The following ARHGEF10L variants were observed in gnomAD, a reference collection of about 807,000 sequenced individuals.
ARHGEF10L encodes Rho guanine nucleotide exchange factor 10 like.
In ARHGEF10L, 69 loss-of-function variants were observed where a neutral mutation model predicts 141.2. That is an observed-to-expected ratio of 0.49 (90% CI 0.40 to 0.60). The LOEUF (loss-of-function observed/expected upper bound fraction) is 0.60. Ranked by LOEUF, ARHGEF10L falls within the 20% of genes least tolerant of loss-of-function variation. ARHGEF10L has a pLI of 0.00. For missense variants in ARHGEF10L, 1,482 were observed against 1,734.3 expected (o/e 0.85, Z 2.58); for synonymous variants, 711 against 718.5 (o/e 0.99, Z 0.17).
intron 4 of ARHGEF10L, among the ~76,000 whole-genome samples, chr1:17,589,941 A>C (rs1441086945): frequency 3.3e-5 from 5 of 151,928 alleles, no homozygotes; most frequent in Admixed American, 3.3e-4. Flanking sequence ...TCAGCGAGTG[A>C]ATGGAAATTC....
chr1:17,560,442 G>A (rs753860819), intron 1 of ARHGEF10L, among the ~76,000 whole-genome samples: 4 of 152,096 alleles, frequency 2.6e-5, no homozygotes, highest in Non-Finnish European at 5.9e-5. Context: ...GGCCTCAAAT[G>A]CCCCTTTTGT....
chr1:17,623,610 T>C lies in ARHGEF10L; in HGVS notation c.1200+435T>C, dbSNP rs2060224458. 6.6e-6 allele frequency among the ~76,000 whole-genome samples: 1 copy of C among 152,122 alleles called. No homozygotes were observed. Among genetic ancestry groups the C allele is most frequent in the Non-Finnish European group, 1.5e-5 (1 of 68,014 alleles). ...GCACTGGCTCACGATCCGGGGGACCTGGTTCTGGTCCCAGCTCAGTTCTGC... is the reference window on the plus strand; with the variant it reads ...GCACTGGCTCACGATCCGGGGGACCCGGTTCTGGTCCCAGCTCAGTTCTGC... On this transcript the variant is annotated intron_variant, in intron 12 of 28. Coordinates refer to ENST00000361221, the MANE Select transcript of ARHGEF10L (RefSeq NM_018125.4). The surrounding 1 kb of genome is among the most constrained non-coding windows in gnomAD (Gnocchi z 4.7).
At chr1:17,521,587 G>A in the ARHGEF10L span, among the ~76,000 whole-genome samples, 12 of 152,356 alleles carry the variant, frequency 7.9e-5, no homozygotes, top group African/African-American at 2.6e-4. Flanking sequence ...CACAGTAGGT[G>A]TGTAAATGCC....
chr1:17,522,525 A>C, the ARHGEF10L span, among the ~76,000 whole-genome samples: 14 of 151,074 alleles, frequency 9.3e-5, no homozygotes, highest in African/African-American at 3.4e-4. Flanking sequence ...TCCACACCAA[A>C]GCTGGCTCCT....
chr1:17,665,558 G>A (rs918862546), intron 26 of ARHGEF10L, among the ~76,000 whole-genome samples: 1 of 152,136 alleles, frequency 6.6e-6, no homozygotes, highest in South Asian at 2.1e-4. Flanking sequence ...AGGTGTTGTC[G>A]TTGGAGCCGG....
intron 7 of ARHGEF10L, among the ~76,000 whole-genome samples, chr1:17,611,931 ATATC>A (rs2059570429): frequency 6.6e-6 from 1 of 151,712 alleles, no homozygotes; most frequent in Non-Finnish European, 1.5e-5. Flanking sequence ...GTGCATTTGA[ATATC>A]TATCTGTTCT....
At chr1:17,538,174 C>T (rs1347596212), upstream of ARHGEF10L, among the ~76,000 whole-genome samples, 1 of 152,202 alleles carries the variant, frequency 6.6e-6, no homozygotes, top group Non-Finnish European at 1.5e-5. Flanking sequence ...GCTATGACGG[C>T]AGGACTCAAA....
At chr1:17,543,475 C>T (rs571560719) in intron 1 of ARHGEF10L, among the ~76,000 whole-genome samples, 5 of 151,652 alleles carry the variant, frequency 3.3e-5, no homozygotes, top group South Asian at 2.1e-4. Context: ...CCCAGCTACT[C>T]GGGAGTCTGA....
At chr1:17,690,820 G>A (rs922911196) in intron 27 of ARHGEF10L, among the ~76,000 whole-genome samples, 1 of 152,206 alleles carries the variant, frequency 6.6e-6, no homozygotes, top group Non-Finnish European at 1.5e-5. Context: ...ACCAGAGCGT[G>A]GGGGGCAGCT....
intron 1 of ARHGEF10L, among the ~76,000 whole-genome samples, chr1:17,540,523 A>T (rs998315655): frequency 6.6e-6 from 1 of 151,902 alleles, no homozygotes; most frequent in Non-Finnish European, 1.5e-5. Context: ...TGGAACAGGG[A>T]TATATGTCAG....
chr1:17,687,860 G>A, intron 27 of ARHGEF10L, 113 bp downstream of exon 27: 3 of 1,226,528 alleles, frequency 2.4e-6, no homozygotes, highest in Non-Finnish European at 3.3e-6. Flanking sequence ...CCTGAAAACT[G>A]GGGCTTTAAT....
At chr1:17,583,551 C>T (rs138392980) in intron 2 of ARHGEF10L, among the ~76,000 whole-genome samples, 1 of 152,258 alleles carries the variant, frequency 6.6e-6, no homozygotes, top group African/African-American at 2.4e-5. Flanking sequence ...TTATTGACCT[C>T]ATTTTAGAGA....
chr1:17,577,091 T>C (rs926969784), intron 1 of ARHGEF10L, among the ~76,000 whole-genome samples: 5 of 152,266 alleles, frequency 3.3e-5, no homozygotes, highest in African/African-American at 1.2e-4. Flanking sequence ...TCGCCTAGGC[T>C]GGAGTGGCAG....
intron 4 of ARHGEF10L, among the ~76,000 whole-genome samples, chr1:17,599,971 G>A (rs368187095): frequency 1.1e-4 from 16 of 152,330 alleles, no homozygotes; most frequent in African/African-American, 3.6e-4. Context: ...CTGCTGCACC[G>A]GATAGGACAG....
intron 1 of ARHGEF10L, among the ~76,000 whole-genome samples, chr1:17,545,774 G>GA (rs1471976280): frequency 6.6e-6 from 1 of 152,198 alleles, no homozygotes; most frequent in East Asian, 1.9e-4. Context: ...TCTCTGGTTG[G>GA]AAGATGGACA....
intron 26 of ARHGEF10L, among the ~76,000 whole-genome samples, chr1:17,679,305 G>A (rs754466072): frequency 5.9e-5 from 9 of 152,200 alleles, no homozygotes; most frequent in Non-Finnish European, 1.2e-4. Flanking sequence ...CAACCTCTTG[G>A]CCTCAACCAG....
chr1:17,626,072 T>C, intron 14 of ARHGEF10L, 24 bp downstream of exon 14: 1 of 1,610,340 alleles, frequency 6.2e-7, no homozygotes, highest in Non-Finnish European at 8.5e-7. Flanking sequence ...TTCCAGCAGC[T>C]TCAACCCACA....
At chr1:17,655,189 C>T (rs892602941) in intron 23 of ARHGEF10L, among the ~76,000 whole-genome samples, 1 of 152,174 alleles carries the variant, frequency 6.6e-6, no homozygotes, top group Non-Finnish European at 1.5e-5. Flanking sequence ...TGCTGCTTCC[C>T]TTCTGAGAGT....
At chr1:17,568,693 C>T (rs570625111) in intron 1 of ARHGEF10L, among the ~76,000 whole-genome samples, 4 of 152,276 alleles carry the variant, frequency 2.6e-5, no homozygotes, top group African/African-American at 9.6e-5. Context: ...GGGCGGCATC[C>T]GCATTGTCTG....
Sources: allele counts gnomAD v4.1 joint callset (sites outside exome capture counted in the v4.1 genomes callset), GRCh38; gene constraint gnomAD v4.1.1; non-coding constraint Gnocchi (gnomAD v3.1); transcripts MANE v1.5; gene names NCBI Gene and HGNC (gene_info 2026-07-23, HGNC 2026-07-21).